EBF1: variants seen among roughly 807,000 people sequenced by gnomAD.
The protein encoded by EBF1 is transcription factor COE1.
A neutral mutation model predicts 68.4 loss-of-function variants in EBF1; 10 were observed. The observed-to-expected ratio is 0.15, with a 90% confidence interval of 0.09 to 0.25. EBF1 has a LOEUF of 0.25. Ranked by LOEUF, EBF1 falls within the 10% of genes least tolerant of loss-of-function variation. The pLI is 1.00. For synonymous variants in EBF1, 298 were observed against 299.8 expected, an observed-to-expected ratio of 0.99 and a Z score of 0.06; for missense variants, 509 against 794.4, an observed-to-expected ratio of 0.64 and a Z score of 4.32.
intron 10 of EBF1, among the ~76,000 whole-genome samples, chr5:158,754,703 A>G (rs1046886915): frequency 1.3e-5 from 2 of 152,122 alleles, no homozygotes; most frequent in Non-Finnish European, 2.9e-5. Context: ...TAGAAAAAGT[A>G]TTAGCAAATA....
intron 6 of EBF1, among the ~76,000 whole-genome samples, chr5:158,873,842 A>G (rs1160417654): frequency 6.6e-6 from 1 of 152,212 alleles, no homozygotes; most frequent in African/African-American, 2.4e-5. Flanking sequence ...ACCACTTAAA[A>G]GCATCCAGCA....
At chr5:158,704,013 G>A (rs1176020683) in intron 15 of EBF1, among the ~76,000 whole-genome samples, 1 of 152,184 alleles carries the variant, frequency 6.6e-6, no homozygotes, top group Admixed American at 6.5e-5. Context: ...CTTGAATATA[G>A]AAATGTAATA....
chr5:159,004,277 CA>C (rs34981790), intron 6 of EBF1, among the ~76,000 whole-genome samples: 64,962 of 120,524 alleles, frequency 0.54, 15,407 homozygotes, highest in South Asian at 0.71. Context: ...ACTCCATCTC[CA>C]AAAAAAAAAA....
chr5:158,884,165 G>A (rs1430945761), intron 6 of EBF1, among the ~76,000 whole-genome samples: 1 of 152,252 alleles, frequency 6.6e-6, no homozygotes, highest in Non-Finnish European at 1.5e-5. Flanking sequence ...ACTTATTTTG[G>A]TTCAAAGAAC....
chr5:158,948,838 CCTT>C (rs1211302203), intron 6 of EBF1, among the ~76,000 whole-genome samples: 1 of 152,184 alleles, frequency 6.6e-6, no homozygotes, highest in Non-Finnish European at 1.5e-5. Flanking sequence ...TTCAGCCGGA[CCTT>C]CCTCCCCTAC....
At chr5:158,768,397 T>G (rs1227573856) in intron 10 of EBF1, among the ~76,000 whole-genome samples, 4 of 152,142 alleles carry the variant, frequency 2.6e-5, no homozygotes, top group African/African-American at 9.7e-5. Flanking sequence ...ATGTAAGATA[T>G]AATTATTATG....
chr5:158,969,634 ACATGGT>A (rs1309390233), intron 6 of EBF1, among the ~76,000 whole-genome samples: 1 of 150,262 alleles, frequency 6.7e-6, no homozygotes, highest in African/African-American at 2.4e-5. Context: ...AATTAGTTGA[ACATGGT>A]GGCAGGCACC....
intron 6 of EBF1, among the ~76,000 whole-genome samples, chr5:159,053,605 T>TCTCACACACA (rs750232925): frequency 4.1e-5 from 6 of 146,308 alleles, no homozygotes; most frequent in African/African-American, 1.5e-4. Context: ...TCTCTCTCTC[T>TCTCACACACA]CACACACACA....
chr5:158,761,989 T>C (rs1383901582), intron 10 of EBF1, among the ~76,000 whole-genome samples: 1 of 152,198 alleles, frequency 6.6e-6, no homozygotes, highest in Non-Finnish European at 1.5e-5. Context: ...AATAAACTAT[T>C]CTAAGTAGTA....
At chr5:158,723,156 T>C (rs536812755) in intron 11 of EBF1, among the ~76,000 whole-genome samples, 1 of 152,296 alleles carries the variant, frequency 6.6e-6, no homozygotes, top group South Asian at 2.1e-4. Flanking sequence ...TGCATTTACA[T>C]GTGAATTCTT....
At chr5:158,806,214 G>A (rs569372054) in intron 8 of EBF1, among the ~76,000 whole-genome samples, 3 of 152,214 alleles carry the variant, frequency 2.0e-5, no homozygotes, top group Non-Finnish European at 2.9e-5. Flanking sequence ...CAAATGGAGG[G>A]CTCTGACTAC....
intron 10 of EBF1, among the ~76,000 whole-genome samples, chr5:158,748,169 A>C (rs1257863853): frequency 1.3e-5 from 2 of 152,224 alleles, no homozygotes; most frequent in Admixed American, 6.5e-5. Flanking sequence ...CATATGTTTT[A>C]AAAGGGAAAG....
intron 4 of EBF1, among the ~76,000 whole-genome samples, chr5:159,090,919 C>T (rs1781513356): frequency 6.6e-6 from 1 of 152,118 alleles, no homozygotes; most frequent in Non-Finnish European, 1.5e-5. Flanking sequence ...ATTCTCACAA[C>T]GGAGCTTCAA....
At chr5:159,006,799 T>C (rs1178004482) in intron 6 of EBF1, among the ~76,000 whole-genome samples, 1 of 151,868 alleles carries the variant, frequency 6.6e-6, no homozygotes, top group Non-Finnish European at 1.5e-5. Flanking sequence ...GTTTGGTCCA[T>C]AAATAAAGCA....
intron 8 of EBF1, among the ~76,000 whole-genome samples, chr5:158,812,149 G>A (rs1782791696): frequency 6.6e-6 from 1 of 152,098 alleles, no homozygotes; most frequent in Admixed American, 6.5e-5. Context: ...TAGCCCTATT[G>A]TCTGATATAA....
chr5:158,928,322 A>G (rs1209759494), intron 6 of EBF1, among the ~76,000 whole-genome samples: 6 of 152,104 alleles, frequency 3.9e-5, no homozygotes, highest in South Asian at 2.1e-4. Flanking sequence ...AAATATGTTC[A>G]TTCATTGTTC....
intron 4 of EBF1, among the ~76,000 whole-genome samples, chr5:159,085,918 C>T (rs1369674366): frequency 6.6e-6 from 1 of 152,038 alleles, no homozygotes; most frequent in Non-Finnish European, 1.5e-5. Flanking sequence ...TATAGATCCT[C>T]AGAGAGAACT....
At chr5:158,913,470 G>C (rs1806453265) in intron 6 of EBF1, among the ~76,000 whole-genome samples, 1 of 152,172 alleles carries the variant, frequency 6.6e-6, no homozygotes, top group African/African-American at 2.4e-5. Context: ...AATAGCCTTT[G>C]GTGGTCTGCT....
chr5:158,844,527 A>G (rs1791035776), intron 6 of EBF1, among the ~76,000 whole-genome samples: 1 of 152,210 alleles, frequency 6.6e-6, no homozygotes, highest in African/African-American at 2.4e-5. Flanking sequence ...CTTAATCATC[A>G]CTTAGTCTAA....
Sources: allele counts gnomAD v4.1 joint callset (sites outside exome capture counted in the v4.1 genomes callset), GRCh38; gene constraint gnomAD v4.1.1; transcripts MANE v1.5; gene names NCBI Gene and HGNC (gene_info 2026-07-23, HGNC 2026-07-21).